The following PCDHB4 variants were observed in gnomAD, a reference collection of about 807,000 sequenced individuals.
The protein encoded by PCDHB4 is protocadherin beta-4.
For missense variants in PCDHB4, 1,063 were observed against 1,007.0 expected, an observed-to-expected ratio of 1.06 and a Z score of -0.75; for synonymous variants, 482 against 447.3, an observed-to-expected ratio of 1.08 and a Z score of -0.98.
Position 141,124,368 on chromosome 5 carries a change from T to C in PCDHB4, c.2370T>C (p.Asn790=), listed in dbSNP as rs782573882. The C allele has an allele frequency of 6.2e-7, 1 of 1,608,546 alleles. No homozygotes were observed. The highest frequency in any genetic ancestry group is 1.1e-5 in the South Asian group (1 of 90,464). ...TTAAGGAAAACCCCAAGTTCAGAAA[T>C]AGCTTGGTATTCAGTTAAGTATTGT... ...REVKENPKFR[N]SLVFS is the part of the protein sequence containing the mutation. Residue 790 remains asparagine, a synonymous_variant, in exon 1 of 1, where the codon AAT becomes AAC. Transcript: ENST00000194152.
chr5:141,121,971 G>T lies in PCDHB4; in HGVS notation c.-28G>T. On this transcript the variant is annotated 5_prime_UTR_variant, in exon 1 of 1. Transcript: ENST00000194152. Reference sequence around the variant, plus strand: ...CAAGTCTCGTTGCGGTTGCTGAGGGGATTGGATATAGGGACCTGGACTCCA... The same window carrying T: ...CAAGTCTCGTTGCGGTTGCTGAGGGTATTGGATATAGGGACCTGGACTCCA... The T allele has an allele frequency of 6.7e-7, 1 of 1,483,860 alleles. No individual in the cohort carries two copies. The highest frequency in any genetic ancestry group is 9.1e-7 in the Non-Finnish European group (1 of 1,097,758). The allele number at this position is 1,483,860 out of a possible 1,614,324, so 91.9% of individuals were successfully genotyped here. A position where few individuals can be genotyped will look rare whatever the true frequency, so the allele number is the denominator to read the frequency against.
chr5:141,124,934 A>C lies in PCDHB4; in HGVS notation c.*548A>C, dbSNP rs1474698476. 1 of 152,272 alleles carries C rather than the reference A, an allele frequency of 6.6e-6. No homozygotes were observed. The highest frequency in any genetic ancestry group is 1.9e-4 in the East Asian group (1 of 5,202). The allele number at this position is 152,272 out of a possible 1,614,324, so 9.4% of individuals were successfully genotyped here. ...CAAATTGTATATAAACATGCACTTC[A>C]CTACATTGGTAATACACTAAAATTG... On this transcript the variant is annotated 3_prime_UTR_variant, in exon 1 of 1. Coordinates refer to ENST00000194152, the MANE Select transcript of PCDHB4 (RefSeq NM_018938.4).
rs782777019 is a variant in PCDHB4, at chr5:141,122,011, G to A, written c.13G>A (p.Gly5Arg). The change falls in exon 1 of 1, where the codon GGG becomes AGG. Residue 5 changes from glycine (G) to arginine (R), a missense_variant. Physicochemically the swap from Gly to Arg is moderately radical, Grantham distance 125. Transcript: ENST00000194152. Reference sequence around the variant, plus strand: ...CCTGGACTCCAACATGAAGAAGCTAGGGAGAATTCATCCAAACAGGCAAGT... The same window carrying A: ...CCTGGACTCCAACATGAAGAAGCTAAGGAGAATTCATCCAAACAGGCAAGT... MKKL[G>R]RIHPNRQVLA... The A allele has an allele frequency of 6.3e-7, 1 of 1,596,048 alleles. No homozygotes were observed. Among genetic ancestry groups the A allele is most frequent in the Non-Finnish European group, 8.5e-7 (1 of 1,170,770 alleles).
At position 141,124,414 on chromosome 5, in the gene PCDHB4, C is replaced by G; in HGVS notation, c.*28C>G. Reference sequence around the variant, plus strand: ...ATTGTATTTAGTTCAGTGAACCGCCCGTTAGTTTTGTCAAACTTCCCACTG... The same window carrying G: ...ATTGTATTTAGTTCAGTGAACCGCCGGTTAGTTTTGTCAAACTTCCCACTG... On this transcript the variant is annotated 3_prime_UTR_variant, in exon 1 of 1. Coordinates refer to ENST00000194152, the MANE Select transcript of PCDHB4 (RefSeq NM_018938.4). The G allele has an allele frequency of 3.3e-6, 5 of 1,516,216 alleles. No individual in the cohort carries two copies. Among genetic ancestry groups the G allele is most frequent in the African/African-American group, 1.4e-5 (1 of 71,838 alleles). 93.9% of individuals were successfully genotyped at this position (1,516,216 alleles called of 1,614,324 possible).
At position 141,123,309 on chromosome 5, in the gene PCDHB4, C is replaced by G. The variant is rs782788058; in HGVS notation, c.1311C>G (p.Thr437=). The G allele has an allele frequency of 1.6e-5, 26 of 1,614,036 alleles. No individual in the cohort carries two copies. Among genetic ancestry groups the G allele is most frequent in the Non-Finnish European group, 2.1e-5 (25 of 1,180,040 alleles). Residue 437 remains threonine (T), a synonymous_variant, in exon 1 of 1, where the codon ACC becomes ACG. Coordinates refer to ENST00000194152, the MANE Select transcript of PCDHB4 (RefSeq NM_018938.4). ...TPRLKTQQNI[T]VQVSDVNDNA... ...GGCTGAAAACCCAGCAGAACATAACCGTGCAGGTCTCCGACGTCAATGACA... is the reference window on the plus strand; with the variant it reads ...GGCTGAAAACCCAGCAGAACATAACGGTGCAGGTCTCCGACGTCAATGACA...
At position 141,123,985 on chromosome 5, in the gene PCDHB4, G is replaced by T. The variant is rs781938959; in HGVS notation, c.1987G>T (p.Asp663Tyr). Residue 663 changes from aspartate to tyrosine, a missense_variant, in exon 1 of 1, where the codon GAT becomes TAT. By Grantham distance (160) the Asp-to-Tyr change is radical (BLOSUM62 -3). Transcript: ENST00000194152. ...ATATLHVLLV[D>Y]GFSQPYLPLP... ...CGCCACGCTGCACGTGCTCCTGGTG[G>T]ATGGCTTCTCCCAGCCCTACCTGCC... 2 of 1,604,750 alleles carry T rather than the reference G, an allele frequency of 1.2e-6. No homozygotes were observed. The highest frequency in any genetic ancestry group is 1.1e-5 in the South Asian group (1 of 90,992).
Position 141,123,559 on chromosome 5 carries a change from G to A in PCDHB4, c.1561G>A (p.Glu521Lys), listed in dbSNP as rs1752344923. The A allele has an allele frequency of 6.2e-7, 1 of 1,612,978 alleles. No homozygotes were observed. The highest frequency in any genetic ancestry group is 8.5e-7 in the Non-Finnish European group (1 of 1,179,884). ...HLFALRSLDY[E>K]ALQAFEFRVG... Reference sequence around the variant, plus strand: ...GTTCGCCCTCAGGTCGCTGGACTACGAGGCCCTGCAGGCGTTCGAGTTCCG... The same window carrying A: ...GTTCGCCCTCAGGTCGCTGGACTACAAGGCCCTGCAGGCGTTCGAGTTCCG... The change falls in exon 1 of 1, where the codon GAG becomes AAG. Residue 521 changes from glutamate (E) to lysine (K), a missense_variant. Physicochemically the swap from Glu to Lys is moderately conservative, Grantham distance 56 (BLOSUM62 1). Coordinates refer to ENST00000194152, the MANE Select transcript of PCDHB4 (RefSeq NM_018938.4).
rs782062672 is a variant in PCDHB4, at chr5:141,122,556, G to A, written c.558G>A (p.Glu186=). 7 of 1,614,214 alleles carry A rather than the reference G, an allele frequency of 4.3e-6. No homozygotes were observed. The South Asian group carries it at 5.5e-5, about 13-fold the overall frequency. ...HFHILTRNHS[E]GKKYPDLVQD... ...ACATTCTCACTCGAAATCATAGTGA[G>A]GGCAAGAAATACCCAGATTTGGTGC... is the stretch of plus-strand genomic sequence containing the variant. The change falls in exon 1 of 1, where the codon GAG becomes GAA. Residue 186 remains glutamate, a synonymous_variant. Coordinates refer to ENST00000194152, the MANE Select transcript of PCDHB4 (RefSeq NM_018938.4).
Position 141,122,429 on chromosome 5 carries a change from A to G in PCDHB4, c.431A>G (p.Asn144Ser). 6.2e-7 allele frequency: 1 copy of G among 1,614,238 alleles called. No homozygotes were observed. Among genetic ancestry groups the G allele is most frequent in the Non-Finnish European group, 8.5e-7 (1 of 1,180,052 alleles). Residue 144 changes from asparagine (N) to serine (S), a missense_variant, in exon 1 of 1, where the codon AAT becomes AGT. By Grantham distance (46) the Asn-to-Ser change is conservative (BLOSUM62 1). Coordinates refer to ENST00000194152, the MANE Select transcript of PCDHB4 (RefSeq NM_018938.4). The stretch of plus-strand genomic sequence containing the variant: ...GAAGTGCTCTTGAAAATACTAGAAA[A>G]TAGCCAGCCGGGTACTCTATTTCCG... ...EREVLLKILENSQPGTLFPLL... is the reference protein window; with the variant it reads ...EREVLLKILESSQPGTLFPLL...
rs538654926 is a variant in PCDHB4, at chr5:141,122,445, T to A, written c.447T>A (p.Thr149=). 1 of 1,614,248 alleles carries A rather than the reference T, an allele frequency of 6.2e-7. No individual in the cohort carries two copies. The highest frequency in any genetic ancestry group is 1.3e-5 in the African/African-American group (1 of 75,084). The change falls in exon 1 of 1, where the codon ACT becomes ACA. Residue 149 remains threonine, a synonymous_variant. Transcript: ENST00000194152. The part of the protein sequence containing the change: ...LKILENSQPG[T]LFPLLIAEDL... ...TACTAGAAAATAGCCAGCCGGGTAC[T>A]CTATTTCCGTTGCTAATAGCTGAGG...
At position 141,124,223 on chromosome 5, in the gene PCDHB4, G is replaced by A. The variant is rs1189281449; in HGVS notation, c.2225G>A (p.Gly742Glu). 1 of 1,614,058 alleles carries A rather than the reference G, an allele frequency of 6.2e-7. No individual in the cohort carries two copies. The highest frequency in any genetic ancestry group is 1.3e-5 in the African/African-American group (1 of 74,936). ...PGHLVDVSGT[G>E]TLSQSYQYEV... ...CATCTGGTGGACGTAAGCGGCACCG[G>A]GACCCTGTCCCAGAGCTACCAGTAC... Residue 742 changes from glycine to glutamate, a missense_variant, in exon 1 of 1, where the codon GGG becomes GAG. Gly to Glu is a moderately conservative substitution (Grantham distance 98). Transcript: ENST00000194152.
rs1263225025 is a variant in PCDHB4 at position 141,123,324 on chromosome 5, C to A, written c.1326C>A (p.Asp442Glu). ...TQQNITVQVS[D>E]VNDNAPAFTQ... ...AGAACATAACCGTGCAGGTCTCCGA[C>A]GTCAATGACAACGCCCCCGCCTTCA... Residue 442 changes from aspartate to glutamate, a missense_variant, in exon 1 of 1, where the codon GAC becomes GAA. Coordinates refer to ENST00000194152, the MANE Select transcript of PCDHB4 (RefSeq NM_018938.4). The A allele has an allele frequency of 6.2e-7, 1 of 1,614,038 alleles. No homozygotes were observed. The highest frequency in any genetic ancestry group is 1.3e-5 in the African/African-American group (1 of 74,914).
At position 141,124,499 on chromosome 5, in the gene PCDHB4, C is replaced by T. The variant is rs782354763; in HGVS notation, c.*113C>T. On this transcript the variant is annotated 3_prime_UTR_variant, in exon 1 of 1. Coordinates refer to ENST00000194152, the MANE Select transcript of PCDHB4 (RefSeq NM_018938.4). Reference sequence around the variant, plus strand: ...TAAATATTCATACCACAATTTCAAACCTACTCATGTCCCTGATAAAGCTAA... The same window carrying T: ...TAAATATTCATACCACAATTTCAAATCTACTCATGTCCCTGATAAAGCTAA... The T allele has an allele frequency of 6.8e-5, 63 of 925,564 alleles. No individual in the cohort carries two copies. The highest frequency in any genetic ancestry group is 9.4e-5 in the Non-Finnish European group (59 of 629,328). The allele number at this position is 925,564 out of a possible 1,614,324, so 57.3% of individuals were successfully genotyped here.
Position 141,124,102 on chromosome 5 carries a change from T to A in PCDHB4, c.2104T>A (p.Phe702Ile). The part of the protein sequence containing the change: ...ALASVSSLFL[F>I]SVLLFVAVRL... ...GGCCTCGGTGTCGTCGCTCTTCCTCTTCTCGGTGCTCCTGTTCGTGGCGGT... is the reference window on the plus strand; with the variant it reads ...GGCCTCGGTGTCGTCGCTCTTCCTCATCTCGGTGCTCCTGTTCGTGGCGGT... Residue 702 changes from phenylalanine (F) to isoleucine (I), a missense_variant, in exon 1 of 1, where the codon TTC becomes ATC. By Grantham distance (21) the Phe-to-Ile change is conservative. Coordinates refer to ENST00000194152, the MANE Select transcript of PCDHB4 (RefSeq NM_018938.4). 1 of 1,609,386 alleles carries A rather than the reference T, an allele frequency of 6.2e-7. No individual in the cohort carries two copies. Among genetic ancestry groups the A allele is most frequent in the Non-Finnish European group, 8.5e-7 (1 of 1,179,760 alleles).
Position 141,123,254 on chromosome 5 carries a change from C to T in PCDHB4, c.1256C>T (p.Thr419Ile). The change falls in exon 1 of 1, where the codon ACC becomes ATC. Residue 419 changes from threonine to isoleucine, a missense_variant. By Grantham distance (89) the Thr-to-Ile change is moderately conservative. Coordinates refer to ENST00000194152, the MANE Select transcript of PCDHB4 (RefSeq NM_018938.4). ...DRETSAEYNI[T>I]IAVTDLGTPR... ...GAGACCAGCGCTGAGTACAACATCA[C>T]CATCGCCGTCACTGACTTGGGGACA... 1 of 1,614,140 alleles carries T rather than the reference C, an allele frequency of 6.2e-7. No homozygotes were observed. Among genetic ancestry groups the T allele is most frequent in the Non-Finnish European group, 8.5e-7 (1 of 1,180,012 alleles).
chr5:141,123,486 C>G lies in PCDHB4; in HGVS notation c.1488C>G (p.His496Gln). The change falls in exon 1 of 1, where the codon CAC (histidine) becomes CAG (glutamine). Residue 496 changes from histidine (H) to glutamine (Q), a missense_variant. By Grantham distance (24) the His-to-Gln change is conservative (BLOSUM62 0). Coordinates refer to ENST00000194152, the MANE Select transcript of PCDHB4 (RefSeq NM_018938.4). ...TYSLLPPQDP[H>Q]LPLASLVSIN... ...CGCTGCTGCCGCCCCAGGACCCGCACCTGCCCCTCGCCTCCCTGGTCTCCA... is the reference window on the plus strand; with the variant it reads ...CGCTGCTGCCGCCCCAGGACCCGCAGCTGCCCCTCGCCTCCCTGGTCTCCA... 1 of 1,613,300 alleles carries G rather than the reference C, an allele frequency of 6.2e-7. No homozygotes were observed.
At position 141,122,860 on chromosome 5, in the gene PCDHB4, A is replaced by G. The variant is rs1554274424; in HGVS notation, c.862A>G (p.Lys288Glu). The change falls in exon 1 of 1, where the codon AAA becomes GAA. Residue 288 changes from lysine (K) to glutamate (E), a missense_variant. Physicochemically the swap from Lys to Glu is moderately conservative, Grantham distance 56. Transcript: ENST00000194152. ...YGLFQASDEI[K>E]QTFSINEVTG... The stretch of plus-strand genomic sequence containing the variant: ...CTTATTCCAAGCATCAGATGAAATT[A>G]AACAAACTTTCTCAATAAATGAAGT... The G allele has an allele frequency of 1.2e-6, 2 of 1,613,940 alleles. No individual in the cohort carries two copies. The highest frequency in any genetic ancestry group is 4.5e-5 in the East Asian group (2 of 44,880).
chr5:141,124,333 G>C lies in PCDHB4; in HGVS notation c.2335G>C (p.Gly779Arg). Residue 779 changes from glycine (G) to arginine (R), a missense_variant, in exon 1 of 1, where the codon GGG becomes CGG. Coordinates refer to ENST00000194152, the MANE Select transcript of PCDHB4 (RefSeq NM_018938.4). ...TCCTAATCTCTTGGTTCAGGACACC[G>C]GGAGGGAAGTTAAGGAAAACCCCAA... ...IFPNLLVQDT[G>R]REVKENPKFR... 1 of 1,613,770 alleles carries C rather than the reference G, an allele frequency of 6.2e-7. No homozygotes were observed. The highest frequency in any genetic ancestry group is 1.3e-5 in the African/African-American group (1 of 75,012).
rs1330892962 is a variant in PCDHB4, at chr5:141,123,399, G to C, written c.1401G>C (p.Leu467=). 1.2e-6 allele frequency: 2 copies of C among 1,613,550 alleles called. No homozygotes were observed. The highest frequency in any genetic ancestry group is 1.7e-6 in the Non-Finnish European group (2 of 1,180,032). ...TCCGCGAGAACAACAGCCCCGCCCT[G>C]CACATCGGCAGTGTCAGCGCCACAG... ...LFVRENNSPA[L]HIGSVSATDR... Residue 467 remains leucine (L), a synonymous_variant, in exon 1 of 1, where the codon CTG becomes CTC. Transcript: ENST00000194152.
Sources: allele counts gnomAD v4.1 joint callset, GRCh38; gene constraint gnomAD v4.1.1; transcripts MANE v1.5; gene names NCBI Gene and HGNC (gene_info 2026-07-23, HGNC 2026-07-21).